UNC13B: variants seen among roughly 807,000 people sequenced by gnomAD.
UNC13B encodes protein unc-13 homolog B.
A neutral mutation model predicts 211.0 loss-of-function variants in UNC13B; 144 were observed. The ratio of observed to expected loss-of-function variants is 0.68; its 90% CI spans 0.60 to 0.78. UNC13B has a LOEUF of 0.78. UNC13B is among the 30% of genes least tolerant of loss of function. The probability of loss-of-function intolerance (pLI) is 0.00; values close to 1 mark genes in which losing one functional copy is unlikely to be tolerated. For synonymous variants in UNC13B, 709 were observed against 725.8 expected, an observed-to-expected ratio of 0.98 and a Z score of 0.37; for missense variants, 1,777 against 2,002.0, an observed-to-expected ratio of 0.89 and a Z score of 2.14.
At chr9:35,328,853 C>T (rs983148019) in intron 11 of UNC13B, among the ~76,000 whole-genome samples, 37 of 151,596 alleles carry the variant, frequency 2.4e-4, no homozygotes, top group African/African-American at 8.5e-4. Context: ...CTGCAAGCTC[C>T]GCCTCCTGGG....
chr9:35,395,026 AAGG>A (rs1420186105), intron 26 of UNC13B, among the ~76,000 whole-genome samples: 10 of 152,086 alleles, frequency 6.6e-5, no homozygotes, highest in African/African-American at 2.2e-4. Context: ...CTTGAAAAGG[AAGG>A]AGGAGGGCCC....
At position 35,366,821 on chromosome 9, in the gene UNC13B, G is replaced by A. The variant is rs982354820; in HGVS notation, c.9415-126G>A. 7.8e-6 allele frequency: 6 copies of A among 768,194 alleles called. No homozygotes were observed. The African/African-American group carries it at 1.0e-4, about 13-fold the overall frequency. The allele number at this position is 768,194 out of a possible 1,614,324, so 47.6% of individuals were successfully genotyped here. On this transcript the variant is annotated intron_variant, in intron 11 of 39. Transcript: ENST00000635942. ...AGGACATTGGTTTAGATGTCAGACA[G>A]GCTGTCACCACATGGTGAATGTGAC...
intron 7 of UNC13B, among the ~76,000 whole-genome samples, chr9:35,271,837 G>T (rs1386437986): frequency 6.6e-6 from 1 of 152,192 alleles, no homozygotes. Context: ...TTGGTGAGAT[G>T]ACTACTTACA....
chr9:35,364,637 G>A lies in UNC13B; in HGVS notation c.9415-2310G>A. ...CTCCCCTCCTTCCCAAGCACTGTATGTGTGTGTGTATGTGTGTGTGTGTGT... is the reference window on the plus strand; with the variant it reads ...CTCCCCTCCTTCCCAAGCACTGTATATGTGTGTGTATGTGTGTGTGTGTGT... On this transcript the variant is annotated intron_variant, in intron 11 of 39. Transcript: ENST00000635942. 11 of 1,461,994 alleles carry A rather than the reference G, an allele frequency of 7.5e-6. No homozygotes were observed. The South Asian group carries it at 1.2e-4, about 16-fold the overall frequency. 90.6% of individuals were successfully genotyped at this position (1,461,994 alleles called of 1,614,324 possible).
At chr9:35,349,345 AG>A (rs1221810779) in intron 11 of UNC13B, among the ~76,000 whole-genome samples, 3 of 139,096 alleles carry the variant, frequency 2.2e-5, no homozygotes, top group Admixed American at 7.3e-5. Context: ...ATGGTTGGGG[AG>A]GAAAAAAAAA....
chr9:35,164,678 G>A (rs1167539573), intron 1 of UNC13B, among the ~76,000 whole-genome samples: 3 of 152,144 alleles, frequency 2.0e-5, no homozygotes, highest in Non-Finnish European at 2.9e-5. Context: ...CACTAACTTT[G>A]TTTATTCCTG....
intron 26 of UNC13B, 95 bp from the exon 27 acceptor site, chr9:35,396,381 A>G: frequency 6.6e-7 from 1 of 1,513,898 alleles, no homozygotes; most frequent in Non-Finnish European, 9.0e-7. Context: ...AAGACATCTG[A>G]TGGAGCTGCC....
chr9:35,254,902 A>G (rs1224984053), intron 6 of UNC13B, among the ~76,000 whole-genome samples: 1 of 98,746 alleles, frequency 1.0e-5, no homozygotes, highest in Non-Finnish European at 2.1e-5. Context: ...TAATATACGT[A>G]TATAATATAT....
chr9:35,232,161 T>C (rs191928333), intron 3 of UNC13B, among the ~76,000 whole-genome samples: 5 of 149,096 alleles, frequency 3.4e-5, no homozygotes, highest in Admixed American at 2.7e-4. Flanking sequence ...TCCTCTGGGC[T>C]CTTGGTATAT....
intron 7 of UNC13B, among the ~76,000 whole-genome samples, chr9:35,259,567 G>A (rs891268725): frequency 6.6e-5 from 10 of 152,038 alleles, no homozygotes; most frequent in African/African-American, 1.9e-4. Context: ...CCTATGCATA[G>A]TATACCTCAA....
intron 11 of UNC13B, among the ~76,000 whole-genome samples, chr9:35,346,927 A>ATT (rs879296820): frequency 7.2e-6 from 1 of 139,140 alleles, no homozygotes. Context: ...TTTCTTTTTC[A>ATT]TTTTTTTTTT....
intron 11 of UNC13B, among the ~76,000 whole-genome samples, chr9:35,355,825 C>T (rs554659494): frequency 2.6e-5 from 4 of 152,288 alleles, no homozygotes; most frequent in Admixed American, 2.0e-4. Flanking sequence ...TTCAGCACAG[C>T]AACAATAGAA....
At chr9:35,336,023 G>A (rs551777784) in intron 11 of UNC13B, among the ~76,000 whole-genome samples, 9 of 152,136 alleles carry the variant, frequency 5.9e-5, no homozygotes, top group African/African-American at 2.2e-4. Context: ...TTTCTTCATA[G>A]CATTTCTCTT....
intron 1 of UNC13B, among the ~76,000 whole-genome samples, chr9:35,219,168 T>C (rs1166350720): frequency 6.6e-6 from 1 of 152,148 alleles, no homozygotes. Context: ...ATATATTTAG[T>C]GTGTGTAGGC....
chr9:35,220,894 T>G (rs1378000843), intron 1 of UNC13B, among the ~76,000 whole-genome samples: 1 of 152,206 alleles, frequency 6.6e-6, no homozygotes. Context: ...AAGGGTTCCC[T>G]TTCTCCACAT....
At chr9:35,346,637 C>A (rs1217388105) in intron 11 of UNC13B, among the ~76,000 whole-genome samples, 1 of 152,082 alleles carries the variant, frequency 6.6e-6, no homozygotes, top group Non-Finnish European at 1.5e-5. Flanking sequence ...CCTTATTTTT[C>A]CCAGCCTTAG....
At chr9:35,342,277 C>T in intron 11 of UNC13B, 2 of 985,770 alleles carry the variant, frequency 2.0e-6, no homozygotes, top group Non-Finnish European at 2.4e-6. Context: ...CCTTCTAAAA[C>T]TTGAGAATTC....
intron 1 of UNC13B, among the ~76,000 whole-genome samples, chr9:35,168,467 T>C (rs762911069): frequency 1.3e-5 from 2 of 152,178 alleles, no homozygotes; most frequent in Non-Finnish European, 2.9e-5. Flanking sequence ...ACTTTATGTG[T>C]AATTTTCTCA....
chr9:35,322,640 T>C (rs1830797712), intron 11 of UNC13B, among the ~76,000 whole-genome samples: 1 of 152,154 alleles, frequency 6.6e-6, no homozygotes, highest in Admixed American at 6.5e-5. Context: ...TTCTCACTTG[T>C]TACTCCCTCC....
Sources: gnomAD v4.1 joint callset for allele counts (sites outside exome capture counted in the v4.1 genomes callset) on GRCh38, gnomAD v4.1.1 for gene constraint, MANE v1.5 for transcripts, NCBI Gene and HGNC (gene_info 2026-07-23, HGNC 2026-07-21) for gene names.